The following POLM variants were observed in gnomAD, a reference collection of about 807,000 sequenced individuals.
POLM encodes the protein DNA polymerase mu, also known as DNA-directed DNA/RNA polymerase mu.
Under a neutral mutation model 56.7 loss-of-function variants are expected in POLM, and 52 were observed. The ratio of observed to expected loss-of-function variants is 0.92; its 90% CI spans 0.73 to 1.15. POLM has a LOEUF of 1.15. Among genes scored for constraint, POLM ranks in the 50% most tolerant of loss-of-function variants. POLM has a pLI of 0.00. For missense variants in POLM, 660 were observed against 663.6 expected (o/e 0.99, Z 0.06); for synonymous variants, 273 against 274.3 (o/e 1.00, Z 0.05).
At position 44,073,036 on chromosome 7, in the gene POLM, T is replaced by C; in HGVS notation, c.*255A>G. 3.0e-6 allele frequency: 4 copies of C among 1,338,280 alleles called. No homozygotes were observed. Among genetic ancestry groups the C allele is most frequent in the Non-Finnish European group, 3.9e-6 (4 of 1,014,372 alleles). The allele number at this position is 1,338,280 out of a possible 1,614,324, so 82.9% of individuals were successfully genotyped here. ...CCATCCAGGGCAGGAACGTGAGCCA[T>C]GGGGAGGCTAAGAGCAGACCCAGGG... On this transcript the variant is annotated 3_prime_UTR_variant, in exon 11 of 11. Coordinates refer to ENST00000242248, the MANE Select transcript of POLM (RefSeq NM_013284.4).
In POLM at chr7:44,073,055, C is replaced by T; in HGVS notation, c.*236G>A. ...GAGCCATGGGGAGGCTAAGAGCAGA[C>T]CCAGGGTCACACAGTGATGAGGCTG... On this transcript the variant is annotated 3_prime_UTR_variant, in exon 11 of 11. Transcript: ENST00000242248. The T allele has an allele frequency of 7.0e-7, 1 of 1,425,880 alleles. No individual in the cohort carries two copies. Among genetic ancestry groups the T allele is most frequent in the East Asian group, 2.5e-5 (1 of 39,982 alleles). The allele number at this position is 1,425,880 out of a possible 1,614,324, so 88.3% of individuals were successfully genotyped here. A position where few individuals can be genotyped will look rare whatever the true frequency, so the allele number is the denominator to read the frequency against.
chr7:44,082,423 G>T lies in POLM; in HGVS notation c.16C>A (p.Arg6=). 1.4e-6 allele frequency: 2 copies of T among 1,452,988 alleles called. No homozygotes were observed. Among genetic ancestry groups the T allele is most frequent in the Non-Finnish European group, 1.8e-6 (2 of 1,111,306 alleles). 90.0% of individuals were successfully genotyped at this position (1,452,988 alleles called of 1,614,324 possible). A position where few individuals can be genotyped will look rare whatever the true frequency, so the allele number is the denominator to read the frequency against. The part of the protein sequence containing the change: MLPKR[R]RARVGSPSGD... ...CTAGGGGACCCGACCCGCGCTCGCC[G>T]CCGTTTGGGGAGCATTGGGACGACA... Residue 6 remains arginine (R), a synonymous_variant, in exon 1 of 11, where the codon CGG becomes AGG. Coordinates refer to ENST00000242248, the MANE Select transcript of POLM (RefSeq NM_013284.4).
rs1161149192 is a variant in POLM, at chr7:44,074,161, C to T, written c.1041G>A (p.Leu347=). 1.9e-6 allele frequency: 3 copies of T among 1,603,820 alleles called. No homozygotes were observed. ...HPKEGQEAGL[L]PRVMCRLQDQ... is the part of the protein sequence containing the mutation. ...CCTGCAGGCGGCACATCACTCTAGG[C>T]AGCAGCCCCGCCTCCTGACCCTCCT... The change falls in exon 8 of 11, where the codon CTG becomes CTA. Residue 347 remains leucine (L), a synonymous_variant. Coordinates refer to ENST00000242248, the MANE Select transcript of POLM (RefSeq NM_013284.4).
rs775659152 is a variant in POLM, at chr7:44,078,778, C to G, written c.676G>C (p.Glu226Gln). The G allele has an allele frequency of 6.2e-7, 1 of 1,614,098 alleles. No individual in the cohort carries two copies. Among genetic ancestry groups the G allele is most frequent in the South Asian group, 1.1e-5 (1 of 91,078 alleles). The change falls in exon 5 of 11, where the codon GAG becomes CAG. Residue 226 changes from glutamate to glutamine, a missense_variant. Coordinates refer to ENST00000242248, the MANE Select transcript of POLM (RefSeq NM_013284.4). Reference protein sequence around the residue: ...LLEHGVCEEVERVRRSERYQT... With the variant: ...LLEHGVCEEVQRVRRSERYQT... Reference sequence around the variant, plus strand: ...TACCTCTCTGAGCGCCGAACTCTCTCCACCTCCTCACACACTCCATGCTCC... The same window carrying G: ...TACCTCTCTGAGCGCCGAACTCTCTGCACCTCCTCACACACTCCATGCTCC...
chr7:44,079,070 G>A (rs2096191923), intron 4 of POLM, among the ~76,000 whole-genome samples: 2 of 152,212 alleles, frequency 1.3e-5, no homozygotes, highest in South Asian at 4.1e-4. Context: ...AGTTACAGCA[G>A]CTGAGATGCC....
Position 44,073,769 on chromosome 7 carries a change from G to A in POLM, c.1314+14C>T, listed in dbSNP as rs555942043. On this transcript the variant is annotated intron_variant, in intron 9 of 10. Coordinates refer to ENST00000242248, the MANE Select transcript of POLM (RefSeq NM_013284.4). ...CAGCCCCACCCCCAGGCGGCCCAGCGGCACACTGCCTACCTTGGAGCCAGT... is the reference window on the plus strand; with the variant it reads ...CAGCCCCACCCCCAGGCGGCCCAGCAGCACACTGCCTACCTTGGAGCCAGT... The A allele has an allele frequency of 2.4e-5, 38 of 1,613,902 alleles. No individual in the cohort carries two copies. Among genetic ancestry groups the A allele is most frequent in the Non-Finnish European group, 2.7e-5 (32 of 1,179,856 alleles).
At chr7:44,077,321 G>C (rs2096186542) in intron 5 of POLM, among the ~76,000 whole-genome samples, 1 of 152,272 alleles carries the variant, frequency 6.6e-6, no homozygotes, top group Non-Finnish European at 1.5e-5. Context: ...GGGCAGAGGG[G>C]AGGAGGAGTG....
In POLM at chr7:44,082,491, G is replaced by A. The variant is rs561352132; in HGVS notation, c.-53C>T. ...GCGAACGCAGAGGGAAACTCCGAGC[G>A]AGACGGAAGGAAGCCCCAGTGAGGC... is the stretch of plus-strand genomic sequence containing the variant. On this transcript the variant is annotated 5_prime_UTR_variant, in exon 1 of 11. Coordinates refer to ENST00000242248, the MANE Select transcript of POLM (RefSeq NM_013284.4). The A allele has an allele frequency of 8.3e-4, 583 of 705,254 alleles. No homozygotes were observed. The South Asian group carries it at 9.0e-3, about 11-fold the overall frequency. 43.7% of individuals were successfully genotyped at this position (705,254 alleles called of 1,614,324 possible).
In POLM at chr7:44,078,773, T is replaced by C; in HGVS notation, c.681A>G (p.Arg227=). 6.2e-7 allele frequency: 1 copy of C among 1,613,958 alleles called. No individual in the cohort carries two copies. The highest frequency in any genetic ancestry group is 1.1e-5 in the South Asian group (1 of 91,076). ...LEHGVCEEVE[R]VRRSERYQTM... The stretch of plus-strand genomic sequence containing the variant: ...TCTGGTACCTCTCTGAGCGCCGAAC[T>C]CTCTCCACCTCCTCACACACTCCAT... Residue 227 remains arginine (R), a synonymous_variant, in exon 5 of 11, where the codon AGA becomes AGG. Coordinates refer to ENST00000242248, the MANE Select transcript of POLM (RefSeq NM_013284.4).
rs375703523 is a variant in POLM, at chr7:44,076,605, C to T, written c.739G>A (p.Gly247Ser). 6.2e-6 allele frequency: 10 copies of T among 1,614,092 alleles called. No individual in the cohort carries two copies. The East Asian group carries it at 6.7e-5, about 11-fold the overall frequency. Residue 247 changes from glycine to serine, a missense_variant, in exon 6 of 11, where the codon GGT (glycine) becomes AGT (serine). Transcript: ENST00000242248. Reference protein sequence around the residue: ...MKLFTQIFGVGVKTADRWYRE... With the variant: ...MKLFTQIFGVSVKTADRWYRE... ...TACCACCGGTCAGCAGTCTTCACACCGACCCCGAAGATCTGGGTGAAGAGC... is the reference window on the plus strand; with the variant it reads ...TACCACCGGTCAGCAGTCTTCACACTGACCCCGAAGATCTGGGTGAAGAGC...
chr7:44,075,537 T>C (rs1327926103), intron 6 of POLM, among the ~76,000 whole-genome samples: 2 of 152,078 alleles, frequency 1.3e-5, no homozygotes, highest in Admixed American at 1.3e-4. Flanking sequence ...GAAGAGGCAG[T>C]GGAGCTGGCA....
intron 5 of POLM, chr7:44,078,380 G>C (rs368650328): frequency 1.3e-4 from 30 of 228,934 alleles, no homozygotes; most frequent in African/African-American, 6.8e-4. Flanking sequence ...GTGGGAGGAT[G>C]GTTTGAGCCC....
At chr7:44,075,728 T>G (rs1208497502) in intron 6 of POLM, 3 of 151,610 alleles carry the variant, frequency 2.0e-5, no homozygotes, top group African/African-American at 7.3e-5. Flanking sequence ...CTTTTTTTTT[T>G]TTTTTTTTTG....
At chr7:44,079,537 AC>A in intron 4 of POLM, 33 bp downstream of exon 4, 2 of 881,110 alleles carry the variant, frequency 2.3e-6, no homozygotes, top group African/African-American at 1.7e-5. Flanking sequence ...CTCCCCACCC[AC>A]CCACTCACCC....
rs534022041 is a variant in POLM, at chr7:44,074,199, TGAG to T, written c.1000_1002del (p.Leu334del). ...TCCTGACCCTCCTTGGGGTGGGTGA[TGAG>T]GAAGTCCACGTCATGGCCCTGCAAC... On this transcript the variant is annotated inframe_deletion, in exon 8 of 11. Coordinates refer to ENST00000242248, the MANE Select transcript of POLM (RefSeq NM_013284.4). The T allele has an allele frequency of 5.1e-5, 82 of 1,597,590 alleles. No homozygotes were observed. In the East Asian group the frequency reaches 1.8e-3, roughly 36 times the overall value.
chr7:44,078,781 C>A lies in POLM; in HGVS notation c.673G>T (p.Val225Leu). The A allele has an allele frequency of 6.2e-7, 1 of 1,614,088 alleles. No individual in the cohort carries two copies. Among genetic ancestry groups the A allele is most frequent in the Non-Finnish European group, 8.5e-7 (1 of 1,179,960 alleles). Residue 225 changes from valine (V) to leucine (L), a missense_variant, in exon 5 of 11, where the codon GTG becomes TTG. Coordinates refer to ENST00000242248, the MANE Select transcript of POLM (RefSeq NM_013284.4). ...CTCTCTGAGCGCCGAACTCTCTCCA[C>A]CTCCTCACACACTCCATGCTCCAGC... is the stretch of plus-strand genomic sequence containing the variant. Reference protein sequence around the residue: ...ELLEHGVCEEVERVRRSERYQ... With the variant: ...ELLEHGVCEELERVRRSERYQ...
chr7:44,073,764 C>G lies in POLM; in HGVS notation c.1314+19G>C, dbSNP rs1454935623. ...TGGCCCAGCCCCACCCCCAGGCGGC[C>G]CAGCGGCACACTGCCTACCTTGGAG... is the stretch of plus-strand genomic sequence containing the variant. On this transcript the variant is annotated intron_variant, in intron 9 of 10. Transcript: ENST00000242248. 1 of 1,613,796 alleles carries G rather than the reference C, an allele frequency of 6.2e-7. No homozygotes were observed. Among genetic ancestry groups the G allele is most frequent in the African/African-American group, 1.3e-5 (1 of 74,934 alleles).
At position 44,082,393 on chromosome 7, in the gene POLM, C is replaced by G. The variant is rs750258630; in HGVS notation, c.46G>C (p.Asp16His). Residue 16 changes from aspartate (D) to histidine (H), a missense_variant, in exon 1 of 11, where the codon GAT becomes CAT. Physicochemically the swap from Asp to His is moderately conservative, Grantham distance 81. Transcript: ENST00000242248. ...RRARVGSPSG[D>H]AASSTPPSTR... is the part of the protein sequence containing the mutation. Reference sequence around the variant, plus strand: ...GAGGGCGGCGTGGAGGAAGCGGCATCGCCGCTAGGGGACCCGACCCGCGCT... The same window carrying G: ...GAGGGCGGCGTGGAGGAAGCGGCATGGCCGCTAGGGGACCCGACCCGCGCT... The G allele has an allele frequency of 1.3e-6, 2 of 1,519,366 alleles. No individual in the cohort carries two copies. The highest frequency in any genetic ancestry group is 5.4e-5 in the East Asian group (2 of 37,346). The allele number at this position is 1,519,366 out of a possible 1,614,324, so 94.1% of individuals were successfully genotyped here. A position where few individuals can be genotyped will look rare whatever the true frequency, so the allele number is the denominator to read the frequency against.
Position 44,080,818 on chromosome 7 carries a change from G to A in POLM, c.287C>T (p.Pro96Leu). Reference sequence around the variant, plus strand: ...CCAGCTTATGTCCAGCAGAGCTGGGGGGGTGCAACCCGGGGGAGCAGCTGC... The same window carrying A: ...CCAGCTTATGTCCAGCAGAGCTGGGAGGGTGCAACCCGGGGGAGCAGCTGC... The part of the protein sequence containing the change: ...RMAAAPPGCT[P>L]PALLDISWLT... Residue 96 changes from proline (P) to leucine (L), a missense_variant, in exon 2 of 11, where the codon CCC (proline) becomes CTC (leucine). Pro to Leu is a moderately conservative substitution (Grantham distance 98). Transcript: ENST00000242248. 1 of 1,613,838 alleles carries A rather than the reference G, an allele frequency of 6.2e-7. No individual in the cohort carries two copies. Among genetic ancestry groups the A allele is most frequent in the Non-Finnish European group, 8.5e-7 (1 of 1,179,832 alleles).
Sources: allele counts gnomAD v4.1 joint callset (sites outside exome capture counted in the v4.1 genomes callset), GRCh38; gene constraint gnomAD v4.1.1; transcripts MANE v1.5; gene names NCBI Gene and HGNC (gene_info 2026-07-23, HGNC 2026-07-21).